WDCP: variants seen among roughly 807,000 people sequenced by gnomAD.
WDCP encodes WD repeat and coiled-coil-containing protein.
In WDCP, 19 loss-of-function variants were observed where a neutral mutation model predicts 41.6. The ratio of observed to expected loss-of-function variants is 0.46; its 90% CI spans 0.32 to 0.67. The LOEUF (loss-of-function observed/expected upper bound fraction) is 0.67. Among genes scored for constraint, WDCP ranks in the 30% least tolerant of loss-of-function variants. WDCP has a pLI of 0.04. For synonymous variants in WDCP, 302 were observed against 320.8 expected, an observed-to-expected ratio of 0.94 and a Z score of 0.63; for missense variants, 802 against 850.7, an observed-to-expected ratio of 0.94 and a Z score of 0.71.
intron 2 of WDCP, 180 bp from the exon 3 acceptor site, chr2:24,033,126 A>G: frequency 1.4e-6 from 1 of 694,320 alleles, no homozygotes; most frequent in Non-Finnish European, 2.7e-6. Flanking sequence ...AAATCCGAAC[A>G]AAACAGCCTT....
chr2:24,032,680 C>CAATAAT (rs374783835), intron 3 of WDCP, 149 bp downstream of exon 3: 12 of 618,104 alleles, frequency 1.9e-5, no homozygotes, highest in East Asian at 1.6e-4. Context: ...GACCCTGTCT[C>CAATAAT]AATAATAATA....
At chr2:24,035,172 G>GTA (rs1663206020) in intron 2 of WDCP, among the ~76,000 whole-genome samples, 1 of 151,226 alleles carries the variant, frequency 6.6e-6, no homozygotes, top group African/African-American at 2.4e-5. Context: ...TCCTCAACAA[G>GTA]TATATATTAC....
At chr2:24,033,969 C>A (rs1663168939) in intron 2 of WDCP, among the ~76,000 whole-genome samples, 1 of 152,138 alleles carries the variant, frequency 6.6e-6, no homozygotes, top group Admixed American at 6.5e-5. Flanking sequence ...TAAATGAAGT[C>A]ACAGGAATAA....
intron 2 of WDCP, among the ~76,000 whole-genome samples, chr2:24,034,836 A>C (rs181080154): frequency 1.3e-5 from 2 of 152,096 alleles, no homozygotes; most frequent in Non-Finnish European, 2.9e-5. Flanking sequence ...CGGCCTCCCA[A>C]AGTTCTGGGG....
At chr2:24,034,399 G>A (rs572801602) in intron 2 of WDCP, among the ~76,000 whole-genome samples, 1 of 152,094 alleles carries the variant, frequency 6.6e-6, no homozygotes, top group South Asian at 2.1e-4. Context: ...CGGCCTGGGT[G>A]ACAAAGCAAA....
At position 24,030,646 on chromosome 2, in the gene WDCP, C is replaced by T. The variant is rs1461469983; in HGVS notation, c.*287G>A. 1.3e-5 allele frequency: 4 copies of T among 319,044 alleles called. No individual in the cohort carries two copies. Among genetic ancestry groups the T allele is most frequent in the Non-Finnish European group, 1.7e-5 (3 of 173,332 alleles). The allele number at this position is 319,044 out of a possible 1,614,324, so 19.8% of individuals were successfully genotyped here. On this transcript the variant is annotated 3_prime_UTR_variant, in exon 4 of 4. Coordinates refer to ENST00000295148, the MANE Select transcript of WDCP (RefSeq NM_025203.3). ...CTCAGAGAAACCATAAAACACCATC[C>T]ATATGGCACCATAATATTGTTTTGT...
In WDCP at chr2:24,033,212, A is replaced by G. The variant is rs571803296; in HGVS notation, c.1819-266T>C. 108 of 550,936 alleles carry G rather than the reference A, an allele frequency of 2.0e-4. 1 individual carries two copies. Among genetic ancestry groups the G allele is most frequent in the South Asian group, 1.6e-3 (102 of 65,164 alleles). The allele number at this position is 550,936 out of a possible 1,614,324, so 34.1% of individuals were successfully genotyped here. A position where few individuals can be genotyped will look rare whatever the true frequency, so the allele number is the denominator to read the frequency against. On this transcript the variant is annotated intron_variant, in intron 2 of 3. Transcript: ENST00000295148. Reference sequence around the variant, plus strand: ...TGGCTCTCCTAGAATACAACTAATAACACTAAAAGGATGATGGACAGCAGC... The same window carrying G: ...TGGCTCTCCTAGAATACAACTAATAGCACTAAAAGGATGATGGACAGCAGC...
At chr2:24,045,686 AG>A (rs1168461122) in intron 1 of WDCP, 2 of 146,002 alleles carry the variant, frequency 1.4e-5, no homozygotes, top group Non-Finnish European at 3.0e-5. Flanking sequence ...AAGAAAGGAA[AG>A]GAAGGGCAGG....
intron 1 of WDCP, among the ~76,000 whole-genome samples, chr2:24,044,662 T>G (rs1187827070): frequency 6.6e-6 from 1 of 152,052 alleles, no homozygotes; most frequent in Non-Finnish European, 1.5e-5. Flanking sequence ...CAGTGATAAT[T>G]ACAAAAATCT....
chr2:24,042,107 A>C (rs560751987), intron 1 of WDCP, among the ~76,000 whole-genome samples: 8 of 152,248 alleles, frequency 5.3e-5, no homozygotes, highest in African/African-American at 1.9e-4. Flanking sequence ...AGAAAGACTA[A>C]TTTTAGTATA....
Position 24,039,040 on chromosome 2 carries a change from T to A in WDCP, c.455A>T (p.Asp152Val). ...GTGAATGCGGCCCTGGGTGTTGATG[T>A]CTGCCTTTACCTGGGAATCATCAGA... ...VHSDDSQVKA[D>V]INTQGRIHCA... The change falls in exon 2 of 4, where the codon GAC (aspartate) becomes GTC (valine). Residue 152 changes from aspartate to valine, a missense_variant. Transcript: ENST00000295148. 1 of 1,614,168 alleles carries A rather than the reference T, an allele frequency of 6.2e-7. No homozygotes were observed. Among genetic ancestry groups the A allele is most frequent in the Non-Finnish European group, 8.5e-7 (1 of 1,180,040 alleles).
At chr2:24,043,155 G>A (rs910955310) in intron 1 of WDCP, among the ~76,000 whole-genome samples, 10 of 151,798 alleles carry the variant, frequency 6.6e-5, no homozygotes, top group East Asian at 1.9e-4. Context: ...CCAACATGGC[G>A]AAACCTCGTC....
chr2:24,040,930 C>T (rs184122366), intron 1 of WDCP, among the ~76,000 whole-genome samples: 10 of 152,228 alleles, frequency 6.6e-5, no homozygotes, highest in African/African-American at 2.4e-4. Context: ...GCAGGAGAAT[C>T]GTTTGAACTG....
chr2:24,037,581 T>C, intron 2 of WDCP, 96 bp downstream of exon 2: 1 of 1,323,798 alleles, frequency 7.6e-7, no homozygotes, highest in Non-Finnish European at 1.0e-6. Flanking sequence ...TGAAGCTCAG[T>C]TAGAGCACCA....
intron 2 of WDCP, among the ~76,000 whole-genome samples, chr2:24,037,372 G>A (rs1174136913): frequency 6.6e-6 from 1 of 152,168 alleles, no homozygotes; most frequent in Non-Finnish European, 1.5e-5. Flanking sequence ...ATAAGGAAAA[G>A]GTTGTCACAA....
Position 24,037,828 on chromosome 2 carries a change from T to A in WDCP, c.1667A>T (p.Gln556Leu), listed in dbSNP as rs1218147691. Residue 556 changes from glutamine (Q) to leucine (L), a missense_variant, in exon 2 of 4, where the codon CAG becomes CTG. This residue lies in a region of WDCP where 321 missense variants were observed against 305.1 expected (regional missense o/e 1.05). Coordinates refer to ENST00000295148, the MANE Select transcript of WDCP (RefSeq NM_025203.3). The part of the protein sequence containing the change: ...KNLQSEKETY[Q>L]LSKEVEILSR... ...TAAAATTTCCACTTCCTTAGACAGC[T>A]GATAAGTTTCCTTTTCACTTTGTAA... 1 of 1,614,228 alleles carries A rather than the reference T, an allele frequency of 6.2e-7. No individual in the cohort carries two copies. The highest frequency in any genetic ancestry group is 1.7e-5 in the Admixed American group (1 of 60,024).
rs554219070 is a variant in WDCP, at chr2:24,035,446, A to G, written c.1818+2231T>C. Among the ~76,000 whole-genome samples, 8 of 152,288 alleles carry G rather than the reference A, an allele frequency of 5.3e-5. 1 individual carries two copies. The South Asian group carries it at 1.7e-3, about 32-fold the overall frequency. ...CAGGCTGAAGAAACATAGGGTAGGAATAAGAGTTCTTGGTATACAGTTTTT... is the reference window on the plus strand; with the variant it reads ...CAGGCTGAAGAAACATAGGGTAGGAGTAAGAGTTCTTGGTATACAGTTTTT... On this transcript the variant is annotated intron_variant, in intron 2 of 3. Coordinates refer to ENST00000295148, the MANE Select transcript of WDCP (RefSeq NM_025203.3).
At chr2:24,043,025 C>T (rs1256865855) in intron 1 of WDCP, among the ~76,000 whole-genome samples, 4 of 119,444 alleles carry the variant, frequency 3.3e-5, no homozygotes, top group African/African-American at 1.4e-4. Flanking sequence ...AAGAGTGAAA[C>T]TCCGTCTCAA....
Position 24,030,829 on chromosome 2 carries a change from C to CG in WDCP, c.*103dup. 1 of 877,526 alleles carries CG rather than the reference C, an allele frequency of 1.1e-6. No individual in the cohort carries two copies. The highest frequency in any genetic ancestry group is 1.8e-6 in the Non-Finnish European group (1 of 562,286). The allele number at this position is 877,526 out of a possible 1,614,324, so 54.4% of individuals were successfully genotyped here. ...GGAGAGCCGACCATGGCAAGCGCTT[C>CG]GCCTGAGTGCAGTGGGAGTCTCATT... On this transcript the variant is annotated 3_prime_UTR_variant, in exon 4 of 4. Transcript: ENST00000295148.
Sources: allele counts gnomAD v4.1 joint callset (sites outside exome capture counted in the v4.1 genomes callset), GRCh38; gene constraint gnomAD v4.1.1; regional missense constraint gnomAD v4.1.1; transcripts MANE v1.5; gene names NCBI Gene and HGNC (gene_info 2026-07-23, HGNC 2026-07-21).